DCHS2: variants seen among roughly 807,000 people sequenced by gnomAD.
DCHS2 encodes the protein dachsous cadherin-related 2.
DCHS2 carries 142 observed loss-of-function variants against 182.4 expected under a neutral mutation model. The ratio of observed to expected loss-of-function variants is 0.78; its 90% confidence interval spans 0.68 to 0.89. The LOEUF (loss-of-function observed/expected upper bound fraction) is 0.89. DCHS2 is among the 40% of genes least tolerant of loss of function. The pLI is 0.00. For missense variants in DCHS2, 4,319 were observed against 4,198.6 expected, an observed-to-expected ratio of 1.03 and a Z score of -0.79; for synonymous variants, 1,740 against 1,663.3, an observed-to-expected ratio of 1.05 and a Z score of -1.12.
At chr4:154,464,248 T>C (rs1158991519) in intron 1 of DCHS2, among the ~76,000 whole-genome samples, 2 of 152,106 alleles carry the variant, frequency 1.3e-5, no homozygotes, top group Non-Finnish European at 2.9e-5. Context: ...GCGACTTAAG[T>C]AGTATTTGCA....
In DCHS2 at chr4:154,236,086, C is replaced by T. The variant is rs770829294; in HGVS notation, c.8566G>A (p.Asp2856Asn). The change falls in exon 20 of 20, where the codon GAC becomes AAC. Residue 2856 changes from aspartate to asparagine, a missense_variant. Coordinates refer to ENST00000357232, the MANE Select transcript of DCHS2 (RefSeq NM_001358235.2). The stretch of plus-strand genomic sequence containing the variant: ...AAGGAGGCAGTTGCATCACCTTTGT[C>T]TTTGGCTTGGACTGTGAGGCAGTAT... The part of the protein sequence containing the change: ...NKYCLTVQAK[D>N]KGDATASLVV... 6.2e-7 allele frequency: 1 copy of T among 1,613,710 alleles called. No individual in the cohort carries two copies. Among genetic ancestry groups the T allele is most frequent in the South Asian group, 1.1e-5 (1 of 91,074 alleles).
At position 154,298,546 on chromosome 4, in the gene DCHS2, A is replaced by C; in HGVS notation, c.5768T>G (p.Val1923Gly). 6.2e-7 allele frequency: 1 copy of C among 1,614,060 alleles called. No homozygotes were observed. Among genetic ancestry groups the C allele is most frequent in the Non-Finnish European group, 8.5e-7 (1 of 1,179,990 alleles). ...AGGACTGTGGTCATTGGCATCCAAA[A>C]CTCTAACTTGCAGGTGTATTACAGA... Reference protein sequence around the residue: ...RSSVIHLQVRVLDANDHSPSF... With the variant: ...RSSVIHLQVRGLDANDHSPSF... Residue 1923 changes from valine to glycine, a missense_variant, in exon 13 of 20, where the codon GTT becomes GGT. Coordinates refer to ENST00000357232, the MANE Select transcript of DCHS2 (RefSeq NM_001358235.2).
intron 10 of DCHS2, among the ~76,000 whole-genome samples, chr4:154,315,519 C>A (rs901334402): frequency 3.9e-5 from 6 of 152,074 alleles, no homozygotes; most frequent in African/African-American, 1.4e-4. Flanking sequence ...GTGTGTATCA[C>A]CCTAATATAA....
At chr4:154,306,238 A>G (rs1253449354) in intron 10 of DCHS2, among the ~76,000 whole-genome samples, 1 of 152,148 alleles carries the variant, frequency 6.6e-6, no homozygotes, top group African/African-American at 2.4e-5. Flanking sequence ...AATATATTTG[A>G]GATATAATCT....
chr4:154,255,114 G>T (rs116944752), intron 16 of DCHS2, among the ~76,000 whole-genome samples: 2 of 152,180 alleles, frequency 1.3e-5, no homozygotes, highest in East Asian at 3.9e-4. Flanking sequence ...TCATATGCAA[G>T]AATAAAGAAT....
At chr4:154,439,708 G>C (rs1733921823) in intron 1 of DCHS2, among the ~76,000 whole-genome samples, 1 of 151,962 alleles carries the variant, frequency 6.6e-6, no homozygotes, top group Non-Finnish European at 1.5e-5. Flanking sequence ...ATTTTATATA[G>C]TTAAATCTGA....
chr4:154,335,965 G>C (rs1728787417), intron 3 of DCHS2, among the ~76,000 whole-genome samples: 1 of 152,138 alleles, frequency 6.6e-6, no homozygotes, highest in Admixed American at 6.5e-5. Flanking sequence ...GCTAGCGCAG[G>C]GTTGTAGGGT....
At chr4:154,373,823 A>G (rs1416407650) in intron 2 of DCHS2, 8 of 947,336 alleles carry the variant, frequency 8.4e-6, no homozygotes, top group Non-Finnish European at 3.3e-6. Flanking sequence ...AAGGTGTGCA[A>G]GCACTCAGGG....
intron 1 of DCHS2, among the ~76,000 whole-genome samples, chr4:154,426,919 T>C (rs1733354990): frequency 6.6e-6 from 1 of 152,210 alleles, no homozygotes; most frequent in African/African-American, 2.4e-5. Context: ...TGTATCCAAC[T>C]ATCTCATGTG....
chr4:154,370,495 T>C (rs1038270448), intron 2 of DCHS2, among the ~76,000 whole-genome samples: 5 of 152,156 alleles, frequency 3.3e-5, no homozygotes, highest in African/African-American at 1.2e-4. Flanking sequence ...TTATGCCCTG[T>C]ATGCTTATGA....
Position 154,237,049 on chromosome 4 carries a change from C to T in DCHS2, c.7603G>A (p.Val2535Met), listed in dbSNP as rs1287061671. The T allele has an allele frequency of 6.2e-7, 1 of 1,613,964 alleles. No individual in the cohort carries two copies. Among genetic ancestry groups the T allele is most frequent in the Admixed American group, 1.7e-5 (1 of 60,010 alleles). ...GNPDLRALTL[V>M]EIGIEDMNNY... Reference sequence around the variant, plus strand: ...TTCATATCTTCTATTCCTATCTCCACTAAAGTAAGAGCTCTCAGGTCAGGA... The same window carrying T: ...TTCATATCTTCTATTCCTATCTCCATTAAAGTAAGAGCTCTCAGGTCAGGA... Residue 2535 changes from valine (V) to methionine (M), a missense_variant, in exon 20 of 20, where the codon GTG becomes ATG. Transcript: ENST00000357232.
At chr4:154,261,807 C>T (rs745306332) in intron 14 of DCHS2, 1 of 152,154 alleles carries the variant, frequency 6.6e-6, no homozygotes. Context: ...ACTTCACAAA[C>T]CATAGTCTGT....
At chr4:154,486,473 C>A in intron 1 of DCHS2, 1 of 1,304,654 alleles carries the variant, frequency 7.7e-7, no homozygotes, top group Non-Finnish European at 1.0e-6. Flanking sequence ...CCTGTATTTC[C>A]TTTTGTTTTT....
chr4:154,486,477 T>C, intron 1 of DCHS2: 1 of 1,304,690 alleles, frequency 7.7e-7, no homozygotes, highest in East Asian at 5.5e-5. Flanking sequence ...TATTTCCTTT[T>C]GTTTTTGTTT....
chr4:154,417,196 TGTGTGTGTGA>T (rs1214571221), intron 1 of DCHS2, among the ~76,000 whole-genome samples: 41 of 67,038 alleles, frequency 6.1e-4, no homozygotes, highest in Middle Eastern at 0.011. Flanking sequence ...TGTGTGTGTG[TGTGTGTGTGA>T]GAGAGAGAGA....
chr4:154,305,351 C>T (rs1170505521), intron 10 of DCHS2, 120 bp from the exon 11 acceptor site: 3 of 1,249,558 alleles, frequency 2.4e-6, no homozygotes, highest in Non-Finnish European at 3.2e-6. Context: ...GATTCTCAAA[C>T]AGCCTTTAAA....
intron 15 of DCHS2, among the ~76,000 whole-genome samples, chr4:154,257,282 GTC>G (rs1732736811): frequency 6.6e-6 from 1 of 152,160 alleles, no homozygotes; most frequent in Admixed American, 6.5e-5. Context: ...TCTCTGGGTG[GTC>G]TATCAGCTAT....
chr4:154,331,749 G>T, intron 5 of DCHS2: 3 of 1,587,954 alleles, frequency 1.9e-6, no homozygotes, highest in Non-Finnish European at 2.6e-6. Flanking sequence ...CATCTTACCA[G>T]CTCCATGACT....
chr4:154,264,255 A>G (rs981898920), intron 14 of DCHS2, among the ~76,000 whole-genome samples: 6 of 152,178 alleles, frequency 3.9e-5, no homozygotes, highest in African/African-American at 1.4e-4. Flanking sequence ...AGGCACCATA[A>G]ATGACAGCAA....
Sources: gnomAD v4.1 joint callset for allele counts (sites outside exome capture counted in the v4.1 genomes callset) on GRCh38, gnomAD v4.1.1 for gene constraint, MANE v1.5 for transcripts, NCBI Gene and HGNC (gene_info 2026-07-23, HGNC 2026-07-21) for gene names.